The following BLTP3A variants were observed in gnomAD, a reference collection of about 807,000 sequenced individuals.
BLTP3A encodes ICBP90 binding protein 1.
At chr6:34,856,559 T>C in the BLTP3A span, 2 of 1,165,086 alleles carry the variant, frequency 1.7e-6, no homozygotes, top group Non-Finnish European at 2.4e-6. Flanking sequence ...AGAGACCTCT[T>C]TGACTCCAGG....
the BLTP3A span, among the ~76,000 whole-genome samples, chr6:34,812,457 G>A: frequency 6.6e-6 from 1 of 152,032 alleles, no homozygotes; most frequent in African/African-American, 2.4e-5. Context: ...CCTAAGAAAA[G>A]CATGTAATAT....
chr6:34,793,383 A>C, the BLTP3A span, among the ~76,000 whole-genome samples: 1 of 152,186 alleles, frequency 6.6e-6, no homozygotes, highest in African/African-American at 2.4e-5. Context: ...AGTGGTTTTC[A>C]GGAGGTAGGG....
chr6:34,838,539 A>C, the BLTP3A span, among the ~76,000 whole-genome samples: 1 of 152,216 alleles, frequency 6.6e-6, no homozygotes, highest in Non-Finnish European at 1.5e-5. Flanking sequence ...AATAAGATAG[A>C]ATGGTTAGAA....
At chr6:34,834,347 C>G in the BLTP3A span, 1 of 1,613,986 alleles carries the variant, frequency 6.2e-7, no homozygotes, top group Non-Finnish European at 8.5e-7. Context: ...TAGTGTCAAC[C>G]CCAACTGGCA....
At chr6:34,795,044 C>T in the BLTP3A span, among the ~76,000 whole-genome samples, 1 of 151,932 alleles carries the variant, frequency 6.6e-6, no homozygotes, top group Non-Finnish European at 1.5e-5. Flanking sequence ...GCCTCGGCCT[C>T]CCAAAGTGCT....
the BLTP3A span, chr6:34,821,603 A>G: frequency 1.6e-5 from 24 of 1,528,866 alleles, no homozygotes; most frequent in Admixed American, 4.0e-4. Context: ...GTAATACCCA[A>G]TTAGCAGATT....
At chr6:34,856,833 C>T in the BLTP3A span, 1 of 1,614,042 alleles carries the variant, frequency 6.2e-7, no homozygotes, top group Non-Finnish European at 8.5e-7. Flanking sequence ...AGAGAAGCCC[C>T]TCTCAGGGCA....
At chr6:34,820,814 A>ATT in the BLTP3A span, among the ~76,000 whole-genome samples, 98 of 102,796 alleles carry the variant, frequency 9.5e-4, 5 homozygotes, top group East Asian at 4.0e-3. Context: ...ACCATGCCTA[A>ATT]TTTTTTTTTT....
the BLTP3A span, among the ~76,000 whole-genome samples, chr6:34,836,624 A>G: frequency 6.6e-6 from 1 of 151,992 alleles, no homozygotes; most frequent in Non-Finnish European, 1.5e-5. Flanking sequence ...TAGAGTCTTC[A>G]GTGGTAGAGT....
the BLTP3A span, among the ~76,000 whole-genome samples, chr6:34,845,608 A>T: frequency 3.3e-5 from 5 of 150,710 alleles, no homozygotes; most frequent in Admixed American, 6.6e-5. Context: ...TATTATTATT[A>T]TTTTTTGAGA....
chr6:34,853,407 G>T, the BLTP3A span, among the ~76,000 whole-genome samples: 24 of 151,924 alleles, frequency 1.6e-4, no homozygotes, highest in South Asian at 4.2e-3. Flanking sequence ...CTGTTGCCCA[G>T]GCCCACCTCA....
chr6:34,803,899 A>G, the BLTP3A span, among the ~76,000 whole-genome samples: 2 of 152,104 alleles, frequency 1.3e-5, no homozygotes, highest in African/African-American at 2.4e-5. Context: ...TTTCCTTCTC[A>G]GATAAACCTG....
At chr6:34,855,741 C>T in the BLTP3A span, 12 of 1,611,524 alleles carry the variant, frequency 7.4e-6, no homozygotes, top group African/African-American at 1.6e-4. Context: ...TCTCGCATAG[C>T]CCAAAATATT....
the BLTP3A span, chr6:34,834,711 C>G: frequency 5.0e-6 from 8 of 1,612,442 alleles, no homozygotes; most frequent in African/African-American, 9.4e-5. Flanking sequence ...TGTACTTTCT[C>G]TCCTTCCAGG....
At chr6:34,855,501 C>T in the BLTP3A span, 17 of 1,209,200 alleles carry the variant, frequency 1.4e-5, no homozygotes, top group African/African-American at 2.6e-4. Flanking sequence ...TTTGGCTGCA[C>T]CGTGTTATCA....
At chr6:34,871,168 C>T in the BLTP3A span, 4 of 1,563,608 alleles carry the variant, frequency 2.6e-6, no homozygotes, top group African/African-American at 2.7e-5. Flanking sequence ...GGTTTTTGCC[C>T]TGGACTTTGT....
the BLTP3A span, chr6:34,859,670 A>G: frequency 6.6e-7 from 1 of 1,521,638 alleles, no homozygotes; most frequent in South Asian, 1.3e-5. Context: ...TAGATTGGGA[A>G]GTACCATATA....
chr6:34,847,921 C>CTTTCTTTT, the BLTP3A span, among the ~76,000 whole-genome samples: 156 of 91,140 alleles, frequency 1.7e-3, 13 homozygotes, highest in Middle Eastern at 8.1e-3. Flanking sequence ...TCTTTTTTTC[C>CTTTCTTTT]TTTTTTTTTT....
the BLTP3A span, chr6:34,836,338 C>T: frequency 6.2e-7 from 1 of 1,613,878 alleles, no homozygotes; most frequent in Non-Finnish European, 8.5e-7. Flanking sequence ...ATAGCCAGTC[C>T]CGAGAGCCAG....
Sources: gnomAD v4.1 joint callset for allele counts (sites outside exome capture counted in the v4.1 genomes callset) on GRCh38, gnomAD v4.1.1 for gene constraint, MANE v1.5 for transcripts, NCBI Gene and HGNC (gene_info 2026-07-23, HGNC 2026-07-21) for gene names.